The following JPH4 variants were observed in gnomAD, a reference collection of about 807,000 sequenced individuals.
JPH4 encodes the protein junctophilin-4.
JPH4 carries 18 observed loss-of-function variants against 57.6 expected under a neutral mutation model. The ratio of observed to expected loss-of-function variants is 0.31; its 90% CI spans 0.22 to 0.46. The LOEUF is 0.46. Ranked by LOEUF, JPH4 falls within the 20% of genes least tolerant of loss-of-function variation. The pLI is 1.00. For synonymous variants in JPH4, 425 were observed against 406.6 expected, an observed-to-expected ratio of 1.05 and a Z score of -0.54; for missense variants, 727 against 911.1, an observed-to-expected ratio of 0.80 and a Z score of 2.60.
At position 23,571,223 on chromosome 14, in the gene JPH4, C is replaced by T. The variant is rs1460649641; in HGVS notation, c.1508G>A (p.Gly503Asp). ...KAWPEEWGGA[G>D]AQAEELAGYE... Reference sequence around the variant, plus strand: ...GCCAGCTAGTTCCTCTGCCTGTGCGCCTGCCCCCCCCCACTCCTCAGGCCA... The same window carrying T: ...GCCAGCTAGTTCCTCTGCCTGTGCGTCTGCCCCCCCCCACTCCTCAGGCCA... The change falls in exon 5 of 6, where the codon GGC (glycine) becomes GAC (aspartate). Residue 503 changes from glycine to aspartate, a missense_variant. By Grantham distance (94) the Gly-to-Asp change is moderately conservative. Coordinates refer to ENST00000356300, the MANE Select transcript of JPH4 (RefSeq NM_001146028.2). This position sits in a 1 kb window ranked among gnomAD's most constrained non-coding sequence, Gnocchi z 4.6. 3.7e-6 allele frequency: 6 copies of T among 1,612,630 alleles called. No homozygotes were observed. Among genetic ancestry groups the T allele is most frequent in the Non-Finnish European group, 5.1e-6 (6 of 1,179,308 alleles).
chr14:23,575,788 C>A lies in JPH4; in HGVS notation c.1048G>T (p.Ala350Ser). The change falls in exon 3 of 6, where the codon GCC becomes TCC. Residue 350 changes from alanine (A) to serine (S), a missense_variant. Physicochemically the swap from Ala to Ser is moderately conservative, Grantham distance 99. Coordinates refer to ENST00000356300, the MANE Select transcript of JPH4 (RefSeq NM_001146028.2). The surrounding 1 kb of genome is among the most constrained non-coding windows in gnomAD (Gnocchi z 6.9). ...TCCTTAACCTTGCCCCGCCGAAGGGCCAGAGGCAGGAGACTGCGGACGCGC... is the reference window on the plus strand; with the variant it reads ...TCCTTAACCTTGCCCCGCCGAAGGGACAGAGGCAGGAGACTGCGGACGCGC... ...GGRVRSLLPL[A>S]LRRGKVKEKV... 1 of 1,595,798 alleles carries A rather than the reference C, an allele frequency of 6.3e-7. No individual in the cohort carries two copies. The highest frequency in any genetic ancestry group is 8.5e-7 in the Non-Finnish European group (1 of 1,172,746).
In JPH4 at chr14:23,571,573, G is replaced by C. The variant is rs1889148325; in HGVS notation, c.1271-113C>G. 1 of 1,303,124 alleles carries C rather than the reference G, an allele frequency of 7.7e-7. No individual in the cohort carries two copies. Among genetic ancestry groups the C allele is most frequent in the Non-Finnish European group, 1.1e-6 (1 of 948,160 alleles). The allele number at this position is 1,303,124 out of a possible 1,614,324, so 80.7% of individuals were successfully genotyped here. On this transcript the variant is annotated intron_variant, in intron 4 of 5. Coordinates refer to ENST00000356300, the MANE Select transcript of JPH4 (RefSeq NM_001146028.2). The surrounding 1 kb of genome is among the most constrained non-coding windows in gnomAD (Gnocchi z 4.6). ...GGACTTTGGAATTCCCAGGCTCATAGCCTCTCACCGCCAGACCCCAAACCC... is the reference window on the plus strand; with the variant it reads ...GGACTTTGGAATTCCCAGGCTCATACCCTCTCACCGCCAGACCCCAAACCC...
In JPH4 at chr14:23,577,134, G is replaced by C; in HGVS notation, c.320C>G (p.Ala107Gly). The change falls in exon 2 of 6, where the codon GCC becomes GGC. Residue 107 changes from alanine to glycine, a missense_variant. Coordinates refer to ENST00000356300, the MANE Select transcript of JPH4 (RefSeq NM_001146028.2). The surrounding 1 kb of genome is among the most constrained non-coding windows in gnomAD (Gnocchi z 8.4). ...CTGGAAACCGTCCTTCCAGAGCCCG[G>C]CGTAGCGCAGGCCGGACACGCTTTC... ...VWESVSGLRY[A>G]GLWKDGFQDG... is the part of the protein sequence containing the mutation. 6.4e-7 allele frequency: 1 copy of C among 1,553,582 alleles called. No homozygotes were observed. Among genetic ancestry groups the C allele is most frequent in the Non-Finnish European group, 8.6e-7 (1 of 1,158,110 alleles).
Position 23,576,398 on chromosome 14 carries a change from A to G in JPH4, c.438T>C (p.Ser146=). 1 of 1,408,530 alleles carries G rather than the reference A, an allele frequency of 7.1e-7. No individual in the cohort carries two copies. 87.3% of individuals were successfully genotyped at this position (1,408,530 alleles called of 1,614,324 possible). The change falls in exon 3 of 6, where the codon AGT becomes AGC. Residue 146 remains serine, a synonymous_variant. Coordinates refer to ENST00000356300, the MANE Select transcript of JPH4 (RefSeq NM_001146028.2). This position sits in a 1 kb window ranked among gnomAD's most constrained non-coding sequence, Gnocchi z 8.0. ...GKRHGYGVRQ[S]VPYHQAALLR... ...GCAGCGCCGCCTGATGGTAGGGCACACTCTGGCGTACCCCGTAGCCGTGGC... is the reference window on the plus strand; with the variant it reads ...GCAGCGCCGCCTGATGGTAGGGCACGCTCTGGCGTACCCCGTAGCCGTGGC...
At position 23,568,380 on chromosome 14, in the gene JPH4, G is replaced by C. The variant is rs1043586903; in HGVS notation, c.*1254C>G. 8 of 985,692 alleles carry C rather than the reference G, an allele frequency of 8.1e-6. No individual in the cohort carries two copies. The African/African-American group carries it at 1.4e-4, about 17-fold the overall frequency. 61.1% of individuals were successfully genotyped at this position (985,692 alleles called of 1,614,324 possible). A position where few individuals can be genotyped will look rare whatever the true frequency, so the allele number is the denominator to read the frequency against. ...CAGTCCCCTCTTCCTAGGGCTTCCTGCTCCCAGGGGAAAAACTAATACCAG... is the reference window on the plus strand; with the variant it reads ...CAGTCCCCTCTTCCTAGGGCTTCCTCCTCCCAGGGGAAAAACTAATACCAG... On this transcript the variant is annotated 3_prime_UTR_variant, in exon 6 of 6. Coordinates refer to ENST00000356300, the MANE Select transcript of JPH4 (RefSeq NM_001146028.2).
chr14:23,577,319 G>T lies in JPH4; in HGVS notation c.135C>A (p.His45Gln). ...AQGEYSGCWAHGFESLGVFTG... is the reference protein window; with the variant it reads ...AQGEYSGCWAQGFESLGVFTG... Reference sequence around the variant, plus strand: ...TGAAGACGCCCAGTGACTCGAAGCCGTGTGCCCAGCAGCCGCTGTACTCGC... The same window carrying T: ...TGAAGACGCCCAGTGACTCGAAGCCTTGTGCCCAGCAGCCGCTGTACTCGC... Residue 45 changes from histidine (H) to glutamine (Q), a missense_variant, in exon 2 of 6, where the codon CAC (histidine) becomes CAA (glutamine). This residue lies in a region of JPH4 where 83 missense variants were observed against 135.4 expected (regional missense o/e 0.61). Transcript: ENST00000356300. The surrounding 1 kb of genome is among the most constrained non-coding windows in gnomAD (Gnocchi z 8.4). 1 of 1,536,790 alleles carries T rather than the reference G, an allele frequency of 6.5e-7. No individual in the cohort carries two copies.
chr14:23,576,297 G>A lies in JPH4; in HGVS notation c.539C>T (p.Pro180Leu). Reference sequence around the variant, plus strand: ...GGCGGGGCTGCCTCCCTCGTCGCCCGGCAAGGGCAGGGGCGGGGGTGGCGT... The same window carrying A: ...GGCGGGGCTGCCTCCCTCGTCGCCCAGCAAGGGCAGGGGCGGGGGTGGCGT... Reference protein sequence around the residue: ...PPTPPPPLPLPGDEGGSPASG... With the variant: ...PPTPPPPLPLLGDEGGSPASG... The change falls in exon 3 of 6, where the codon CCG becomes CTG. Residue 180 changes from proline (P) to leucine (L), a missense_variant. Pro to Leu is a moderately conservative substitution (Grantham distance 98). Coordinates refer to ENST00000356300, the MANE Select transcript of JPH4 (RefSeq NM_001146028.2). The surrounding 1 kb of genome is among the most constrained non-coding windows in gnomAD (Gnocchi z 8.0). 23 of 1,267,868 alleles carry A rather than the reference G, an allele frequency of 1.8e-5. No individual in the cohort carries two copies. Among genetic ancestry groups the A allele is most frequent in the Non-Finnish European group, 2.3e-5 (23 of 1,008,444 alleles). The allele number at this position is 1,267,868 out of a possible 1,614,324, so 78.5% of individuals were successfully genotyped here. A position where few individuals can be genotyped will look rare whatever the true frequency, so the allele number is the denominator to read the frequency against.
At chr14:23,574,176 AT>A (rs61343632) in intron 3 of JPH4, among the ~76,000 whole-genome samples, 4,210 of 140,586 alleles carry the variant, frequency 0.03, 55 homozygotes, top group South Asian at 0.1. Context: ...CTTCTTTTAG[AT>A]TTTTTTTTTT....
Position 23,571,256 on chromosome 14 carries a change from GGGCT to G in JPH4, c.1471_1474del (p.Ser491ProfsTer18). The G allele has an allele frequency of 1.2e-6, 2 of 1,608,034 alleles. No homozygotes were observed. Among genetic ancestry groups the G allele is most frequent in the Admixed American group, 3.4e-5 (2 of 59,480 alleles). ...CCCCCACTCCTCAGGCCAAGCTTTG[GGGCT>G]GGAGAAGGGACCCTGGTCCCCTCCA... On this transcript the variant is annotated frameshift_variant, in exon 5 of 6. Coordinates refer to ENST00000356300, the MANE Select transcript of JPH4 (RefSeq NM_001146028.2). LOFTEE classifies it high-confidence loss of function. This position sits in a 1 kb window ranked among gnomAD's most constrained non-coding sequence, Gnocchi z 4.6.
Position 23,575,585 on chromosome 14 carries a change from G to C in JPH4, c.1151+100C>G, listed in dbSNP as rs1033613853. On this transcript the variant is annotated intron_variant, in intron 3 of 5. Transcript: ENST00000356300. The surrounding 1 kb of genome is among the most constrained non-coding windows in gnomAD (Gnocchi z 6.9). ...CTTAGGCTTGCAATAGCAGGCCCTA[G>C]GCCTTGGGCCTTGGGCCTCCCTTAG... is the stretch of plus-strand genomic sequence containing the variant. 6.1e-6 allele frequency: 9 copies of C among 1,467,562 alleles called. No individual in the cohort carries two copies. Among genetic ancestry groups the C allele is most frequent in the African/African-American group, 1.4e-5 (1 of 71,502 alleles). 90.9% of individuals were successfully genotyped at this position (1,467,562 alleles called of 1,614,324 possible). A position where few individuals can be genotyped will look rare whatever the true frequency, so the allele number is the denominator to read the frequency against.
Position 23,571,258 on chromosome 14 carries a change from G to A in JPH4, c.1473C>T (p.Ser491=). ...CCCACTCCTCAGGCCAAGCTTTGGGGCTGGAGAAGGGACCCTGGTCCCCTC... is the reference window on the plus strand; with the variant it reads ...CCCACTCCTCAGGCCAAGCTTTGGGACTGGAGAAGGGACCCTGGTCCCCTC... The part of the protein sequence containing the change: ...PPGGDQGPFS[S]PKAWPEEWGG... The change falls in exon 5 of 6, where the codon AGC becomes AGT. Residue 491 remains serine, a synonymous_variant. Transcript: ENST00000356300. This position sits in a 1 kb window ranked among gnomAD's most constrained non-coding sequence, Gnocchi z 4.6. 1 of 1,607,392 alleles carries A rather than the reference G, an allele frequency of 6.2e-7. No homozygotes were observed. The highest frequency in any genetic ancestry group is 8.5e-7 in the Non-Finnish European group (1 of 1,176,524).
In JPH4 at chr14:23,575,990, G is replaced by A. The variant is rs1566680117; in HGVS notation, c.846C>T (p.Tyr282=). 1 of 1,493,098 alleles carries A rather than the reference G, an allele frequency of 6.7e-7. No individual in the cohort carries two copies. Among genetic ancestry groups the A allele is most frequent in the South Asian group, 1.3e-5 (1 of 75,196 alleles). The allele number at this position is 1,493,098 out of a possible 1,614,324, so 92.5% of individuals were successfully genotyped here. ...ALIEGSATEV[Y]AGEWRADRRS... is the part of the protein sequence containing the mutation. ...GCCGATCTGCGCGCCACTCGCCCGC[G>A]TACACCTCTGTGGCCGAGCCCTCGA... The change falls in exon 3 of 6, where the codon TAC becomes TAT. Residue 282 remains tyrosine, a synonymous_variant. Transcript: ENST00000356300. This position sits in a 1 kb window ranked among gnomAD's most constrained non-coding sequence, Gnocchi z 6.9.
rs1283466999 is a variant in JPH4 at position 23,568,640 on chromosome 14, G to A, written c.*994C>T. 1.4e-5 allele frequency: 14 copies of A among 985,774 alleles called. No homozygotes were observed. In the African/African-American group the frequency reaches 2.4e-4, roughly 17 times the overall value. 61.1% of individuals were successfully genotyped at this position (985,774 alleles called of 1,614,324 possible). A position where few individuals can be genotyped will look rare whatever the true frequency, so the allele number is the denominator to read the frequency against. ...CATGTGAGCTCCTGTTATCTTGTCT[G>A]GTCCTATCCCCCAGAAGTGCCTCCT... On this transcript the variant is annotated 3_prime_UTR_variant, in exon 6 of 6. Coordinates refer to ENST00000356300, the MANE Select transcript of JPH4 (RefSeq NM_001146028.2).
Position 23,577,355 on chromosome 14 carries a change from G to A in JPH4, c.99C>T (p.Pro33=), listed in dbSNP as rs932010257. The change falls in exon 2 of 6, where the codon CCC becomes CCT. Residue 33 remains proline, a synonymous_variant. Coordinates refer to ENST00000356300, the MANE Select transcript of JPH4 (RefSeq NM_001146028.2). This position sits in a 1 kb window ranked among gnomAD's most constrained non-coding sequence, Gnocchi z 8.4. The part of the protein sequence containing the change: ...RAHGYGVCTG[P]GAQGEYSGCW... ...AGCCGCTGTACTCGCCCTGGGCGCCGGGGCCCGTGCACACGCCGTAGCCAT... is the reference window on the plus strand; with the variant it reads ...AGCCGCTGTACTCGCCCTGGGCGCCAGGGCCCGTGCACACGCCGTAGCCAT... 5 of 1,520,620 alleles carry A rather than the reference G, an allele frequency of 3.3e-6. No homozygotes were observed. Among genetic ancestry groups the A allele is most frequent in the African/African-American group, 2.8e-5 (2 of 70,972 alleles). The allele number at this position is 1,520,620 out of a possible 1,614,324, so 94.2% of individuals were successfully genotyped here.
chr14:23,573,870 A>G (rs1302708849), intron 3 of JPH4, among the ~76,000 whole-genome samples: 1 of 151,942 alleles, frequency 6.6e-6, no homozygotes, highest in Non-Finnish European at 1.5e-5. Flanking sequence ...ACATCTATAG[A>G]TGCACATTCT....
At chr14:23,570,533 G>A (rs28667752) in intron 5 of JPH4, among the ~76,000 whole-genome samples, 2,579 of 152,056 alleles carry the variant, frequency 0.017, 40 homozygotes, top group South Asian at 0.091. Context: ...CACCACGCCC[G>A]GCTAAATTTT....
chr14:23,568,215 C>T lies in JPH4; in HGVS notation c.*1419G>A, dbSNP rs1888864921. On this transcript the variant is annotated 3_prime_UTR_variant, in exon 6 of 6. Coordinates refer to ENST00000356300, the MANE Select transcript of JPH4 (RefSeq NM_001146028.2). ...GGAGGGAGGCAAGCCAAGGAATAAA[C>T]AAGAGTTTGACTAGAAAAAAAGAAG... is the stretch of plus-strand genomic sequence containing the variant. 1.0e-6 allele frequency: 1 copy of T among 985,726 alleles called. No individual in the cohort carries two copies. The highest frequency in any genetic ancestry group is 1.2e-6 in the Non-Finnish European group (1 of 829,910). 61.1% of individuals were successfully genotyped at this position (985,726 alleles called of 1,614,324 possible). A position where few individuals can be genotyped will look rare whatever the true frequency, so the allele number is the denominator to read the frequency against.
chr14:23,576,972 G>T lies in JPH4; in HGVS notation c.379+103C>A. ...ACATCGATGGGGAATGGTGGCGGGGGAAAGAAGGATGGGCGCAAGGGCGCA... is the reference window on the plus strand; with the variant it reads ...ACATCGATGGGGAATGGTGGCGGGGTAAAGAAGGATGGGCGCAAGGGCGCA... On this transcript the variant is annotated intron_variant, in intron 2 of 5. Coordinates refer to ENST00000356300, the MANE Select transcript of JPH4 (RefSeq NM_001146028.2). The surrounding 1 kb of genome is among the most constrained non-coding windows in gnomAD (Gnocchi z 8.0). 2 of 1,324,868 alleles carry T rather than the reference G, an allele frequency of 1.5e-6. No homozygotes were observed. Among genetic ancestry groups the T allele is most frequent in the Non-Finnish European group, 9.9e-7 (1 of 1,012,194 alleles). The allele number at this position is 1,324,868 out of a possible 1,614,324, so 82.1% of individuals were successfully genotyped here.
Position 23,576,743 on chromosome 14 carries a change from T to C in JPH4, c.380-287A>G, listed in dbSNP as rs529608247. On this transcript the variant is annotated intron_variant, in intron 2 of 5. Transcript: ENST00000356300. The surrounding 1 kb of genome is among the most constrained non-coding windows in gnomAD (Gnocchi z 8.0). ...CCCGGCAGGCATGCGAAGGACAGGC[T>C]GGTCAGGGCGTTTAGATAGGCAAAC... is the stretch of plus-strand genomic sequence containing the variant. 2.0e-5 allele frequency among the ~76,000 whole-genome samples: 3 copies of C among 152,114 alleles called. 1 individual carries two copies. Among genetic ancestry groups the C allele is most frequent in the African/African-American group, 4.8e-5 (2 of 41,498 alleles).
Sources: gnomAD v4.1 joint callset for allele counts (sites outside exome capture counted in the v4.1 genomes callset) on GRCh38, gnomAD v4.1.1 for gene constraint, gnomAD v4.1.1 regional missense constraint, Gnocchi (gnomAD v3.1) non-coding constraint, MANE v1.5 for transcripts, NCBI Gene and HGNC (gene_info 2026-07-23, HGNC 2026-07-21) for gene names.